The following DTNB variants were observed in gnomAD, a reference collection of about 807,000 sequenced individuals.
The protein encoded by DTNB is DTN-B.
Under a neutral mutation model 90.7 loss-of-function variants are expected in DTNB, and 63 were observed. The ratio of observed to expected loss-of-function variants is 0.69; its 90% confidence interval spans 0.57 to 0.86. The LOEUF (loss-of-function observed/expected upper bound fraction) is 0.86, where lower values mean the gene tolerates loss of function less well. Among genes scored for constraint, DTNB ranks in the 40% least tolerant of loss-of-function variants. The pLI, the probability that DTNB is intolerant of heterozygous loss-of-function variation, is 0.00. For missense variants in DTNB, 744 were observed against 807.1 expected, an observed-to-expected ratio of 0.92 and a Z score of 0.95; for synonymous variants, 277 against 286.7, an observed-to-expected ratio of 0.97 and a Z score of 0.34.
intron 4 of DTNB, among the ~76,000 whole-genome samples, chr2:25,626,871 A>G (rs2074277375): frequency 6.6e-6 from 1 of 152,232 alleles, no homozygotes; most frequent in South Asian, 2.1e-4. Context: ...AGTATAGCAG[A>G]AACTGGAACT....
At chr2:25,522,753 T>G (rs1042101023) in intron 9 of DTNB, among the ~76,000 whole-genome samples, 1 of 148,416 alleles carries the variant, frequency 6.7e-6, no homozygotes, top group African/African-American at 2.5e-5. Flanking sequence ...CAGGATAGAG[T>G]GCAGTGGTGC....
intron 2 of DTNB, among the ~76,000 whole-genome samples, chr2:25,640,107 G>A (rs1203608713): frequency 1.3e-5 from 2 of 152,206 alleles, no homozygotes; most frequent in African/African-American, 4.8e-5. Context: ...TGTTTGAGGG[G>A]TAAGCGATAT....
chr2:25,450,289 T>C (rs1054777347), intron 12 of DTNB, among the ~76,000 whole-genome samples: 1 of 150,204 alleles, frequency 6.7e-6, no homozygotes, highest in African/African-American at 2.5e-5. Context: ...ACAGCATTTG[T>C]TAAAAATAGA....
intron 16 of DTNB, among the ~76,000 whole-genome samples, chr2:25,395,492 C>G (rs1406940977): frequency 6.7e-6 from 1 of 150,288 alleles, no homozygotes; most frequent in Admixed American, 6.7e-5. Flanking sequence ...ATACCAATTA[C>G]ATAATATACA....
intron 4 of DTNB, among the ~76,000 whole-genome samples, chr2:25,621,928 C>A (rs576342859): frequency 3.0e-4 from 45 of 151,984 alleles, no homozygotes; most frequent in African/African-American, 1.1e-3. Flanking sequence ...TAAACAATAA[C>A]CCTAGGCCTT....
chr2:25,568,101 T>A (rs1038682487), intron 8 of DTNB, among the ~76,000 whole-genome samples: 1 of 149,418 alleles, frequency 6.7e-6, no homozygotes, highest in African/African-American at 2.5e-5. Context: ...GAGGTTGCAG[T>A]GAGCCAAGAT....
At chr2:25,418,651 A>G (rs2048557610) in intron 16 of DTNB, among the ~76,000 whole-genome samples, 1 of 151,828 alleles carries the variant, frequency 6.6e-6, no homozygotes, top group Non-Finnish European at 1.5e-5. Flanking sequence ...GTGAGCCGAG[A>G]TCATGCCACT....
chr2:25,640,573 T>C (rs2078040706), intron 2 of DTNB, among the ~76,000 whole-genome samples: 2 of 152,308 alleles, frequency 1.3e-5, no homozygotes, highest in South Asian at 2.1e-4. Flanking sequence ...CTCTGTATTA[T>C]ACAGTCCCAC....
At chr2:25,433,279 T>C (rs10495752) in intron 13 of DTNB, among the ~76,000 whole-genome samples, 26,354 of 152,150 alleles carry the variant, frequency 0.17, 2,892 homozygotes, top group Non-Finnish European at 0.24. Context: ...GAATACTTTA[T>C]TTACTCCGTT....
At chr2:25,590,415 C>T (rs1194126152) in intron 6 of DTNB, among the ~76,000 whole-genome samples, 2 of 152,144 alleles carry the variant, frequency 1.3e-5, no homozygotes, top group East Asian at 1.9e-4. Context: ...GGAGGAGACT[C>T]GCAATGGGTA....
chr2:25,614,748 G>A (rs2069727042), intron 4 of DTNB, among the ~76,000 whole-genome samples: 1 of 152,188 alleles, frequency 6.6e-6, no homozygotes, highest in Non-Finnish European at 1.5e-5. Context: ...AATCCTCTAA[G>A]GAGATGGAGG....
chr2:25,384,290 G>C lies in DTNB; in HGVS notation c.1826-401C>G, dbSNP rs577635197. 2.6e-5 allele frequency among the ~76,000 whole-genome samples: 4 copies of C among 152,226 alleles called. No homozygotes were observed. In the South Asian group the frequency reaches 8.3e-4, roughly 32 times the overall value. ...GGTGGGGGAATACCTAGATTAACAC[G>C]GGGTTCTGTTAAAAAAAAAAAATTC... On this transcript the variant is annotated intron_variant, in intron 18 of 20. Coordinates refer to ENST00000406818, the MANE Select transcript of DTNB (RefSeq NM_021907.5).
chr2:25,455,526 T>C (rs1480761174), intron 10 of DTNB, 32 bp from the exon 11 acceptor site: 22 of 1,562,116 alleles, frequency 1.4e-5, no homozygotes, highest in Non-Finnish European at 1.8e-5. Context: ...ACAGCAAGCG[T>C]GACACAAACA....
intron 19 of DTNB, among the ~76,000 whole-genome samples, chr2:25,380,652 C>CAGGGCAGTGCAGGTGTA (rs1442804244): frequency 1.3e-5 from 2 of 152,264 alleles, no homozygotes; most frequent in Non-Finnish European, 2.9e-5. Context: ...GAGATGCAGA[C>CAGGGCAGTGCAGGTGTA]AGGGCAGTGC....
chr2:25,633,009 T>G (rs913808154), intron 3 of DTNB, among the ~76,000 whole-genome samples: 2 of 152,218 alleles, frequency 1.3e-5, no homozygotes, highest in Non-Finnish European at 2.9e-5. Context: ...GAAACTGTCA[T>G]TATTCAGAAA....
intron 7 of DTNB, among the ~76,000 whole-genome samples, chr2:25,577,441 A>G (rs369849213): frequency 6.6e-6 from 1 of 152,130 alleles, no homozygotes; most frequent in Admixed American, 6.5e-5. Context: ...TGTCTCAAAA[A>G]CAAAACAAAA....
intron 18 of DTNB, chr2:25,386,108 C>G: frequency 2.0e-6 from 2 of 985,530 alleles, no homozygotes; most frequent in Non-Finnish European, 2.4e-6. Flanking sequence ...GGTTGAGAAA[C>G]AGTGCTAGAA....
intron 16 of DTNB, among the ~76,000 whole-genome samples, chr2:25,389,404 G>A (rs776005484): frequency 5.3e-5 from 8 of 152,260 alleles, no homozygotes; most frequent in African/African-American, 1.2e-4. Context: ...AGGCTGTCCG[G>A]GGCCACCCCG....
intron 9 of DTNB, among the ~76,000 whole-genome samples, chr2:25,516,762 C>T (rs146831584): frequency 0.019 from 2,940 of 151,636 alleles, 264 homozygotes; most frequent in Admixed American, 0.15. Context: ...TGGTGGTGGG[C>T]GCCTGTAATC....
Sources: allele counts gnomAD v4.1 joint callset (sites outside exome capture counted in the v4.1 genomes callset), GRCh38; gene constraint gnomAD v4.1.1; transcripts MANE v1.5; gene names NCBI Gene and HGNC (gene_info 2026-07-23, HGNC 2026-07-21).